RIC1: variants seen among roughly 807,000 people sequenced by gnomAD.
The protein encoded by RIC1 is guanine nucleotide exchange factor subunit RIC1.
Under a neutral mutation model 169.0 loss-of-function variants are expected in RIC1, and 88 were observed. That is an observed-to-expected ratio of 0.52 (90% CI 0.44 to 0.62). The LOEUF is 0.62. RIC1 is among the 20% of genes least tolerant of loss of function. The pLI is 0.00. For synonymous variants in RIC1, 790 were observed against 601.5 expected (o/e 1.31, Z -4.59); for missense variants, 1,877 against 1,725.5 (o/e 1.09, Z -1.56).
intron 7 of RIC1, among the ~76,000 whole-genome samples, chr9:5,737,723 A>G (rs1275234506): frequency 5.9e-5 from 9 of 151,692 alleles, no homozygotes; most frequent in Non-Finnish European, 1.3e-4. Context: ...ACTTTTAACT[A>G]CTAATAGCAT....
intron 1 of RIC1, among the ~76,000 whole-genome samples, chr9:5,632,641 C>T (rs751770584): frequency 2.6e-5 from 4 of 152,038 alleles, no homozygotes; most frequent in Non-Finnish European, 5.9e-5. Context: ...AGAGGTAGAA[C>T]TTGACTGGGG....
intron 1 of RIC1, among the ~76,000 whole-genome samples, chr9:5,644,444 A>C (rs990108402): frequency 6.6e-6 from 1 of 152,216 alleles, no homozygotes; most frequent in Non-Finnish European, 1.5e-5. Flanking sequence ...ACAGGGACAT[A>C]TTGCACAGTG....
intron 2 of RIC1, among the ~76,000 whole-genome samples, chr9:5,673,025 T>C (rs12235958): frequency 0.3 from 45,942 of 151,990 alleles, 7,966 homozygotes; most frequent in East Asian, 0.59. Context: ...GGGAATGCCT[T>C]GGTATTGGAG....
intron 3 of RIC1, among the ~76,000 whole-genome samples, chr9:5,696,143 A>G (rs1821890339): frequency 6.6e-6 from 1 of 151,974 alleles, no homozygotes; most frequent in South Asian, 2.1e-4. Flanking sequence ...TGGTCTTTTT[A>G]GGGGCCCTCA....
intron 17 of RIC1, among the ~76,000 whole-genome samples, chr9:5,758,919 A>G (rs537693252): frequency 1.1e-4 from 16 of 151,786 alleles, no homozygotes; most frequent in African/African-American, 3.9e-4. Context: ...TAATTTTTGT[A>G]TATTTAGTAG....
At chr9:5,762,224 T>G (rs572982081) in intron 17 of RIC1, among the ~76,000 whole-genome samples, 1 of 152,266 alleles carries the variant, frequency 6.6e-6, no homozygotes, top group African/African-American at 2.4e-5. Context: ...TCTGTTGTTA[T>G]GACAGCTAGA....
downstream of RIC1, among the ~76,000 whole-genome samples, chr9:5,778,473 G>A (rs2131180114): frequency 6.6e-6 from 1 of 152,276 alleles, no homozygotes; most frequent in Non-Finnish European, 1.5e-5. Context: ...TCTGATCTTA[G>A]GGAGAAGCTT....
intron 12 of RIC1, among the ~76,000 whole-genome samples, 197 bp from the exon 13 acceptor site, chr9:5,753,003 G>C (rs2131035415): frequency 6.6e-6 from 1 of 152,240 alleles, no homozygotes. Flanking sequence ...GGAAAGCCTG[G>C]TGCCTAGAAA....
At chr9:5,681,806 G>A (rs577915137) in intron 2 of RIC1, among the ~76,000 whole-genome samples, 1 of 152,168 alleles carries the variant, frequency 6.6e-6, no homozygotes, top group African/African-American at 2.4e-5. Flanking sequence ...GCAAGGACTT[G>A]CTTTATGAAT....
At chr9:5,665,190 T>C (rs1385390817) in intron 2 of RIC1, among the ~76,000 whole-genome samples, 5 of 152,160 alleles carry the variant, frequency 3.3e-5, no homozygotes, top group African/African-American at 1.2e-4. Context: ...TTTGATCTTG[T>C]AGTGTGTTTC....
chr9:5,685,574 T>G (rs1318781410), intron 2 of RIC1, among the ~76,000 whole-genome samples: 1 of 151,208 alleles, frequency 6.6e-6, no homozygotes, highest in Non-Finnish European at 1.5e-5. Flanking sequence ...GCTAGCCATA[T>G]GTAGAAAGCT....
intron 3 of RIC1, among the ~76,000 whole-genome samples, chr9:5,707,387 C>T (rs966713543): frequency 1.3e-5 from 2 of 152,020 alleles, no homozygotes; most frequent in Non-Finnish European, 2.9e-5. Context: ...TGTCTTAGGT[C>T]TAAGTGGTTT....
rs1823534744 is a variant in RIC1, at chr9:5,720,691, G to A, written c.661G>A (p.Val221Ile). 1 of 1,612,236 alleles carries A rather than the reference G, an allele frequency of 6.2e-7. No individual in the cohort carries two copies. The highest frequency in any genetic ancestry group is 8.5e-7 in the Non-Finnish European group (1 of 1,179,038). ...YCATLDGFAVVFNDGKVGFIT... is the reference protein window; with the variant it reads ...YCATLDGFAVIFNDGKVGFIT... ...TGCCACACTTGATGGGTTTGCTGTT[G>A]TATTTAATGATGGTAAAGTTGGATT... Residue 221 changes from valine (V) to isoleucine (I), a missense_variant, in exon 6 of 26, where the codon GTA (valine) becomes ATA (isoleucine). Around this residue, in one of 3 missense-constraint regions of RIC1, gnomAD observed 1,104 missense variants for 992.0 expected, o/e 1.11. Transcript: ENST00000414202.
At chr9:5,748,449 GAACTT>G (rs772715233) in intron 12 of RIC1, 2 of 152,572 alleles carry the variant, frequency 1.3e-5, no homozygotes, top group African/African-American at 4.8e-5. Flanking sequence ...AAAAGAAAAT[GAACTT>G]AACTTACATT....
intron 2 of RIC1, among the ~76,000 whole-genome samples, chr9:5,657,678 G>A (rs955911153): frequency 6.6e-6 from 1 of 152,048 alleles, no homozygotes; most frequent in African/African-American, 2.4e-5. Flanking sequence ...ACACTGACTA[G>A]GTTAATAGTC....
downstream of RIC1, among the ~76,000 whole-genome samples, chr9:5,777,946 G>C (rs1156827378): frequency 2.0e-5 from 3 of 152,104 alleles, no homozygotes; most frequent in Non-Finnish European, 4.4e-5. Flanking sequence ...TAGGTCCCTT[G>C]TATTTCCATA....
chr9:5,726,076 G>C (rs1247504667), intron 6 of RIC1, among the ~76,000 whole-genome samples: 1 of 152,146 alleles, frequency 6.6e-6, no homozygotes, highest in Non-Finnish European at 1.5e-5. Flanking sequence ...GGACCACTTG[G>C]TGCAGAGCTG....
chr9:5,679,366 A>G (rs1159836538), intron 2 of RIC1, among the ~76,000 whole-genome samples: 1 of 152,128 alleles, frequency 6.6e-6, no homozygotes, highest in South Asian at 2.1e-4. Flanking sequence ...GTTTTTTCCA[A>G]TTCTGTGAAG....
downstream of RIC1, among the ~76,000 whole-genome samples, chr9:5,778,437 G>A (rs918184999): frequency 6.6e-6 from 1 of 152,162 alleles, no homozygotes; most frequent in Non-Finnish European, 1.5e-5. Context: ...ATGCTTATTA[G>A]GTGGCAATAG....
Sources: allele counts gnomAD v4.1 joint callset (sites outside exome capture counted in the v4.1 genomes callset), GRCh38; gene constraint gnomAD v4.1.1; regional missense constraint gnomAD v4.1.1; transcripts MANE v1.5; gene names NCBI Gene and HGNC (gene_info 2026-07-23, HGNC 2026-07-21).